MIOS: variants seen among roughly 807,000 people sequenced by gnomAD.
The protein encoded by MIOS is GATOR2 complex protein MIOS.
MIOS carries 52 observed loss-of-function variants against 96.9 expected under a neutral mutation model. The ratio of observed to expected loss-of-function variants is 0.54; its 90% CI spans 0.43 to 0.68. MIOS has a LOEUF of 0.68. MIOS is among the 30% of genes least tolerant of loss of function. MIOS has a pLI of 0.00. For synonymous variants in MIOS, 397 were observed against 359.5 expected, an observed-to-expected ratio of 1.10 and a Z score of -1.18; for missense variants, 1,005 against 1,052.8, an observed-to-expected ratio of 0.95 and a Z score of 0.63.
intron 5 of MIOS, among the ~76,000 whole-genome samples, chr7:7,579,569 A>C (rs898666194): frequency 6.6e-6 from 1 of 152,202 alleles, no homozygotes; most frequent in African/African-American, 2.4e-5. Context: ...AGAGGTGTCC[A>C]ATCTTGTCTT....
chr7:7,572,605 C>T lies in MIOS; in HGVS notation c.130C>T (p.Arg44Cys), dbSNP rs759480633. 2.1e-5 allele frequency: 34 copies of T among 1,613,906 alleles called. 1 individual carries two copies. The highest frequency in any genetic ancestry group is 1.6e-4 in the Middle Eastern group (1 of 6,084). Residue 44 changes from arginine to cysteine, a missense_variant, in exon 4 of 13, where the codon CGT becomes TGT. By Grantham distance (180) the Arg-to-Cys change is radical (BLOSUM62 -3). Around this residue, in one of 3 missense-constraint regions of MIOS, gnomAD observed 137 missense variants for 148.6 expected, o/e 0.92. Coordinates refer to ENST00000340080, the MANE Select transcript of MIOS (RefSeq NM_019005.4). This position sits in a 1 kb window ranked among gnomAD's most constrained non-coding sequence, Gnocchi z 4.8. ...VNSELKAGSLRLSEDSAATLL... is the reference protein window; with the variant it reads ...VNSELKAGSLCLSEDSAATLL... ...TTCAGAACTCAAAGCTGGATCTTTA[C>T]GTTTATCTGAAGACTCTGCAGCTAC...
At chr7:7,606,212 G>A (rs991366940) in intron 12 of MIOS, 141 bp downstream of exon 12, 17 of 1,094,816 alleles carry the variant, frequency 1.6e-5, no homozygotes, top group Non-Finnish European at 2.1e-5. Context: ...TAACAAAGGT[G>A]GTGTGAACAT....
chr7:7,578,555 T>A (rs1783611086), intron 5 of MIOS, among the ~76,000 whole-genome samples: 1 of 152,152 alleles, frequency 6.6e-6, no homozygotes, highest in African/African-American at 2.4e-5. Context: ...AGAATTTGTC[T>A]ATGCAAAATG....
At chr7:7,594,907 A>G in intron 9 of MIOS, 73 bp from the exon 10 acceptor site, 1 of 1,213,412 alleles carries the variant, frequency 8.2e-7, no homozygotes, top group Non-Finnish European at 1.1e-6. Flanking sequence ...ACTCATACTT[A>G]CATGCTACCC....
At chr7:7,593,101 T>G (rs750189531) in intron 9 of MIOS, among the ~76,000 whole-genome samples, 5 of 152,214 alleles carry the variant, frequency 3.3e-5, no homozygotes, top group Non-Finnish European at 5.9e-5. Flanking sequence ...CTTACTTAGT[T>G]TATCCCCTTC....
At chr7:7,583,086 TAAAAC>T (rs761997976) in intron 5 of MIOS, 27 bp from the exon 6 acceptor site, 9 of 1,575,956 alleles carry the variant, frequency 5.7e-6, no homozygotes, top group Non-Finnish European at 7.8e-6. Flanking sequence ...TATTTTGAAA[TAAAAC>T]AATATAAAAA....
intron 2 of MIOS, 90 bp downstream of exon 2, chr7:7,567,778 A>G (rs1018142340): frequency 6.6e-6 from 1 of 152,270 alleles, no homozygotes; most frequent in Non-Finnish European, 1.5e-5. Context: ...TTCACTGTCC[A>G]GTAGCCACAT....
At chr7:7,598,769 T>C (rs1261074616) in intron 11 of MIOS, among the ~76,000 whole-genome samples, 2 of 152,158 alleles carry the variant, frequency 1.3e-5, no homozygotes, top group Non-Finnish European at 2.9e-5. Context: ...ATTTTTGAAA[T>C]AGGTAAGAAA....
intron 5 of MIOS, among the ~76,000 whole-genome samples, chr7:7,580,584 A>G (rs1032931790): frequency 6.6e-6 from 1 of 152,210 alleles, no homozygotes; most frequent in East Asian, 1.9e-4. Context: ...ACTAACATGC[A>G]TAATATTTTA....
chr7:7,593,038 G>A (rs1022295285), intron 9 of MIOS, among the ~76,000 whole-genome samples: 2 of 152,102 alleles, frequency 1.3e-5, no homozygotes, highest in African/African-American at 4.8e-5. Context: ...TTGATTTTAG[G>A]CTTTATTGGA....
intron 10 of MIOS, among the ~76,000 whole-genome samples, 169 bp downstream of exon 10, chr7:7,595,301 A>G (rs776903560): frequency 2.8e-4 from 43 of 152,184 alleles, no homozygotes; most frequent in Middle Eastern, 3.2e-3. Flanking sequence ...GCTTCTTGCT[A>G]ACAATCATCT....
At chr7:7,603,051 C>G (rs567561509) in intron 11 of MIOS, among the ~76,000 whole-genome samples, 1 of 151,944 alleles carries the variant, frequency 6.6e-6, no homozygotes, top group South Asian at 2.1e-4. Flanking sequence ...CTTCCTTACA[C>G]CTTATACAAA....
At position 7,568,467 on chromosome 7, in the gene MIOS, TGTATATTACATG is replaced by T. The variant is rs147468150; in HGVS notation, c.-41+347_-41+358del. 9.9e-3 allele frequency among the ~76,000 whole-genome samples: 1,515 copies of T among 152,318 alleles called. 9 individuals carry two copies. Among genetic ancestry groups the T allele is most frequent in the Non-Finnish European group, 0.017 (1,137 of 68,024 alleles). On this transcript the variant is annotated intron_variant, in intron 3 of 12. Coordinates refer to ENST00000340080, the MANE Select transcript of MIOS (RefSeq NM_019005.4). Reference sequence around the variant, plus strand: ...TTCATGAGCAAGGAACTGTTTATCCTGTATATTACATGGTGAAAAAAAATACACTTCTTAAAA... The same window carrying T: ...TTCATGAGCAAGGAACTGTTTATCCTGTGAAAAAAAATACACTTCTTAAAA...
intron 9 of MIOS, among the ~76,000 whole-genome samples, chr7:7,590,175 T>G (rs1386215588): frequency 6.6e-6 from 1 of 152,162 alleles, no homozygotes; most frequent in Non-Finnish European, 1.5e-5. Flanking sequence ...CCCTCCTCTT[T>G]CCTGCCCTCA....
chr7:7,574,320 T>C, intron 5 of MIOS, 124 bp downstream of exon 5: 1 of 641,468 alleles, frequency 1.6e-6, no homozygotes, highest in Non-Finnish European at 2.6e-6. Flanking sequence ...TTTTTTGTTT[T>C]CTGATTGGAT....
intron 7 of MIOS, among the ~76,000 whole-genome samples, chr7:7,587,223 A>G (rs1212183798): frequency 6.6e-6 from 1 of 151,684 alleles, no homozygotes; most frequent in East Asian, 1.9e-4. Flanking sequence ...TTGGCCAGAA[A>G]TATCAATTCT....
At chr7:7,570,366 T>C (rs1783309326) in intron 3 of MIOS, among the ~76,000 whole-genome samples, 1 of 151,630 alleles carries the variant, frequency 6.6e-6, no homozygotes, top group Non-Finnish European at 1.5e-5. Flanking sequence ...GCTTGAGAAA[T>C]GCTAAAGAAG....
At chr7:7,604,721 A>G (rs1472590951) in intron 11 of MIOS, among the ~76,000 whole-genome samples, 1 of 152,214 alleles carries the variant, frequency 6.6e-6, no homozygotes, top group East Asian at 1.9e-4. Flanking sequence ...TTAAGCCTTT[A>G]TACTTGGCAG....
At chr7:7,581,402 T>C (rs1426386518) in intron 5 of MIOS, among the ~76,000 whole-genome samples, 1 of 152,214 alleles carries the variant, frequency 6.6e-6, no homozygotes, top group Non-Finnish European at 1.5e-5. Context: ...TGCCTTTAAT[T>C]CCTTGACCAG....
Sources: allele counts gnomAD v4.1 joint callset (sites outside exome capture counted in the v4.1 genomes callset), GRCh38; gene constraint gnomAD v4.1.1; regional missense constraint gnomAD v4.1.1; non-coding constraint Gnocchi (gnomAD v3.1); transcripts MANE v1.5; gene names NCBI Gene and HGNC (gene_info 2026-07-23, HGNC 2026-07-21).